REDIC1: variants seen among roughly 807,000 people sequenced by gnomAD.
REDIC1 encodes the protein regulator of DNA class I crossover intermediates 1, also known as HEI10 Interacting Protein 1.
the REDIC1 span, among the ~76,000 whole-genome samples, chr12:39,640,271 G>T: frequency 1.3e-5 from 2 of 151,584 alleles, no homozygotes; most frequent in African/African-American, 2.4e-5. Flanking sequence ...ACCAAATGAG[G>T]ATACAGCAAA....
At chr12:39,659,085 G>T in the REDIC1 span, among the ~76,000 whole-genome samples, 1 of 151,836 alleles carries the variant, frequency 6.6e-6, no homozygotes, top group Non-Finnish European at 1.5e-5. Flanking sequence ...ATCTGCTGGT[G>T]ATTAATGCTC....
At chr12:39,656,751 G>A in the REDIC1 span, among the ~76,000 whole-genome samples, 3 of 152,106 alleles carry the variant, frequency 2.0e-5, no homozygotes, top group Non-Finnish European at 2.9e-5. Context: ...TCCTGACCCT[G>A]TGTGGACCTA....
chr12:39,737,740 C>G, the REDIC1 span, among the ~76,000 whole-genome samples: 1 of 152,172 alleles, frequency 6.6e-6, no homozygotes, highest in African/African-American at 2.4e-5. Flanking sequence ...TGATTTTTAC[C>G]TGGTTTTGCT....
the REDIC1 span, among the ~76,000 whole-genome samples, chr12:39,771,164 C>T: frequency 6.6e-6 from 1 of 152,178 alleles, no homozygotes; most frequent in Non-Finnish European, 1.5e-5. Context: ...TCACCTGCCT[C>T]TGCCTCTGCG....
chr12:39,832,588 CCTA>C, the REDIC1 span, among the ~76,000 whole-genome samples: 1 of 152,036 alleles, frequency 6.6e-6, no homozygotes, highest in African/African-American at 2.4e-5. Context: ...CTTCCTGTGA[CCTA>C]CTATGTGCCA....
At chr12:39,832,610 G>T in the REDIC1 span, among the ~76,000 whole-genome samples, 7 of 152,052 alleles carry the variant, frequency 4.6e-5, no homozygotes, top group African/African-American at 1.7e-4. Context: ...CACACACTAT[G>T]CTAGGTGCTG....
the REDIC1 span, among the ~76,000 whole-genome samples, chr12:39,655,306 T>A: frequency 6.6e-6 from 1 of 152,200 alleles, no homozygotes; most frequent in Non-Finnish European, 1.5e-5. Context: ...CTTAAAGTGG[T>A]AGCTTAACCT....
At chr12:39,652,861 A>AT in the REDIC1 span, among the ~76,000 whole-genome samples, 1 of 151,864 alleles carries the variant, frequency 6.6e-6, no homozygotes, top group Non-Finnish European at 1.5e-5. Context: ...AAATATAAGG[A>AT]TTTTTTTCTG....
At chr12:39,639,850 C>T in the REDIC1 span, among the ~76,000 whole-genome samples, 1 of 151,912 alleles carries the variant, frequency 6.6e-6, no homozygotes, top group South Asian at 2.1e-4. Flanking sequence ...TTTACTTATT[C>T]TTACATAAAT....
chr12:39,798,107 G>A, the REDIC1 span, among the ~76,000 whole-genome samples: 37 of 152,206 alleles, frequency 2.4e-4, no homozygotes, highest in African/African-American at 8.9e-4. Flanking sequence ...ACCATGTTAT[G>A]AGGACAGCCA....
chr12:39,631,558 T>G, the REDIC1 span, among the ~76,000 whole-genome samples: 1 of 152,176 alleles, frequency 6.6e-6, no homozygotes, highest in East Asian at 1.9e-4. Context: ...ATATTGCTGC[T>G]TATTTGTCAA....
the REDIC1 span, among the ~76,000 whole-genome samples, chr12:39,686,625 A>C: frequency 1.3e-5 from 2 of 150,106 alleles, no homozygotes; most frequent in East Asian, 3.9e-4. Flanking sequence ...ATTGAGACCT[A>C]TTCCCCATTG....
chr12:39,853,469 A>G, the REDIC1 span, among the ~76,000 whole-genome samples: 18 of 152,126 alleles, frequency 1.2e-4, no homozygotes, highest in African/African-American at 4.1e-4. Context: ...AATTGTGACA[A>G]GGTCTTAAAG....
the REDIC1 span, among the ~76,000 whole-genome samples, chr12:39,771,245 C>G: frequency 6.6e-6 from 1 of 151,978 alleles, no homozygotes; most frequent in African/African-American, 2.4e-5. Context: ...GTTCCTTTTT[C>G]TGGAGTGTGG....
the REDIC1 span, among the ~76,000 whole-genome samples, chr12:39,836,376 A>T: frequency 6.6e-6 from 1 of 152,126 alleles, no homozygotes; most frequent in Admixed American, 6.5e-5. Flanking sequence ...GAGAAGAAAT[A>T]TTTAACTTTT....
At chr12:39,640,840 C>A in the REDIC1 span, 1 of 594,062 alleles carries the variant, frequency 1.7e-6, no homozygotes, top group Non-Finnish European at 2.8e-6. Context: ...AGAAAAAATG[C>A]AATGATACTA....
At chr12:39,871,366 C>G in the REDIC1 span, among the ~76,000 whole-genome samples, 1 of 132,948 alleles carries the variant, frequency 7.5e-6, no homozygotes, top group Admixed American at 8.4e-5. Flanking sequence ...TAATATTCCA[C>G]TGCTGAAAGA....
chr12:39,866,486 A>AT, the REDIC1 span, among the ~76,000 whole-genome samples: 691 of 147,810 alleles, frequency 4.7e-3, 4 homozygotes, highest in South Asian at 0.012. Flanking sequence ...TATTTGAAAG[A>AT]TTTTTTTTTT....
At chr12:39,793,746 G>C in the REDIC1 span, among the ~76,000 whole-genome samples, 1 of 152,060 alleles carries the variant, frequency 6.6e-6, no homozygotes, top group Admixed American at 6.6e-5. Flanking sequence ...TCATGCACCT[G>C]CTTTTCCTCT....
Sources: allele counts gnomAD v4.1 joint callset (sites outside exome capture counted in the v4.1 genomes callset), GRCh38; gene constraint gnomAD v4.1.1; transcripts MANE v1.5; gene names NCBI Gene and HGNC (gene_info 2026-07-23, HGNC 2026-07-21).